The following RPSA2 variants were observed in gnomAD, a reference collection of about 807,000 sequenced individuals.
RPSA2 encodes the protein small ribosomal subunit protein uS2B.
At chr19:23,774,522 G>C in the RPSA2 span, among the ~76,000 whole-genome samples, 148,835 of 152,166 alleles carry the variant, frequency 0.98, 72,881 homozygotes, top group Middle Eastern at 1. Flanking sequence ...CTGGACCTCA[G>C]AAGCCATTGT....
the RPSA2 span, chr19:23,833,043 A>G: frequency 7.3e-7 from 1 of 1,367,808 alleles, no homozygotes; most frequent in African/African-American, 1.5e-5. Context: ...TTCATACTGG[A>G]AAGAAACCCT....
At chr19:23,769,002 C>T in the RPSA2 span, among the ~76,000 whole-genome samples, 1 of 152,152 alleles carries the variant, frequency 6.6e-6, no homozygotes. Context: ...TTCAGCCGGG[C>T]CTTGCCCACA....
At chr19:23,799,193 C>T in the RPSA2 span, 2 of 152,112 alleles carry the variant, frequency 1.3e-5, no homozygotes, top group African/African-American at 2.4e-5. Context: ...ATGCTTTTAA[C>T]TTCTTTTTTT....
the RPSA2 span, among the ~76,000 whole-genome samples, chr19:23,841,779 C>A: frequency 6.6e-6 from 1 of 152,168 alleles, no homozygotes; most frequent in African/African-American, 2.4e-5. Context: ...CACTCAGTAG[C>A]GGCTGAGAGC....
At chr19:23,758,711 T>G in the RPSA2 span, 1,024 of 1,614,092 alleles carry the variant, frequency 6.3e-4, 13 homozygotes, top group South Asian at 0.01. Flanking sequence ...CACAGCCCCT[T>G]CCCCTCTCTC....
At chr19:23,804,000 A>G in the RPSA2 span, among the ~76,000 whole-genome samples, 1 of 152,298 alleles carries the variant, frequency 6.6e-6, no homozygotes, top group East Asian at 1.9e-4. Context: ...ACACAGTATA[A>G]ACTCACAGGG....
At chr19:23,831,881 C>G in the RPSA2 span, 5 of 293,270 alleles carry the variant, frequency 1.7e-5, no homozygotes, top group Admixed American at 4.0e-5. Flanking sequence ...GGAAGAAAAC[C>G]TTTCAAATGT....
At chr19:23,767,604 C>G in the RPSA2 span, among the ~76,000 whole-genome samples, 2 of 151,958 alleles carry the variant, frequency 1.3e-5, no homozygotes, top group Non-Finnish European at 1.5e-5. Flanking sequence ...AAGGTGGTCA[C>G]TGAGTAATTT....
chr19:23,796,034 G>T, the RPSA2 span, among the ~76,000 whole-genome samples: 1 of 152,180 alleles, frequency 6.6e-6, no homozygotes, highest in Non-Finnish European at 1.5e-5. Context: ...CAAAGTGCTG[G>T]AATTACAGGC....
At chr19:23,803,525 T>C in the RPSA2 span, among the ~76,000 whole-genome samples, 2 of 152,118 alleles carry the variant, frequency 1.3e-5, no homozygotes, top group Non-Finnish European at 2.9e-5. Context: ...CAAAAATTCA[T>C]CTAAATTATA....
the RPSA2 span, among the ~76,000 whole-genome samples, chr19:23,858,347 C>A: frequency 6.6e-6 from 1 of 152,064 alleles, no homozygotes; most frequent in Non-Finnish European, 1.5e-5. Flanking sequence ...CCTGACTTCA[C>A]CACTATGCAA....
At chr19:23,864,421 CAT>C in the RPSA2 span, among the ~76,000 whole-genome samples, 1 of 152,096 alleles carries the variant, frequency 6.6e-6, no homozygotes, top group South Asian at 2.1e-4. Flanking sequence ...AGAAGACAGC[CAT>C]ATGTAACACA....
At chr19:23,852,969 G>A in the RPSA2 span, among the ~76,000 whole-genome samples, 27 of 152,152 alleles carry the variant, frequency 1.8e-4, no homozygotes, top group African/African-American at 6.5e-4. Context: ...CTCAAAAATT[G>A]ATAACAGTCA....
At chr19:23,807,303 TGG>T in the RPSA2 span, among the ~76,000 whole-genome samples, 1 of 152,200 alleles carries the variant, frequency 6.6e-6, no homozygotes, top group African/African-American at 2.4e-5. Flanking sequence ...AATGATATTT[TGG>T]GGCCAAAACA....
At chr19:23,810,342 C>T in the RPSA2 span, among the ~76,000 whole-genome samples, 1 of 131,000 alleles carries the variant, frequency 7.6e-6, no homozygotes, top group South Asian at 2.4e-4. Context: ...TGCAGTGAAC[C>T]GAGATCGTGC....
the RPSA2 span, among the ~76,000 whole-genome samples, chr19:23,760,984 T>TTA: frequency 2.9e-5 from 4 of 138,684 alleles, no homozygotes; most frequent in Non-Finnish European, 4.6e-5. Context: ...ATTATTTTGA[T>TTA]TATATATATA....
chr19:23,779,309 T>A, the RPSA2 span, among the ~76,000 whole-genome samples: 1 of 152,102 alleles, frequency 6.6e-6, no homozygotes, highest in Non-Finnish European at 1.5e-5. Flanking sequence ...CATGACACAT[T>A]TTTTGACTGA....
chr19:23,776,055 G>T, the RPSA2 span, among the ~76,000 whole-genome samples: 1 of 152,140 alleles, frequency 6.6e-6, no homozygotes, highest in South Asian at 2.1e-4. Context: ...CTGCCTTGGT[G>T]CTACTTGAAA....
chr19:23,775,995 A>G, the RPSA2 span, among the ~76,000 whole-genome samples: 1 of 152,170 alleles, frequency 6.6e-6, no homozygotes, highest in East Asian at 1.9e-4. Context: ...GCCTACAAAT[A>G]GGATTGTGCC....
Sources: gnomAD v4.1 joint callset for allele counts (sites outside exome capture counted in the v4.1 genomes callset) on GRCh38, gnomAD v4.1.1 for gene constraint, MANE v1.5 for transcripts, NCBI Gene and HGNC (gene_info 2026-07-23, HGNC 2026-07-21) for gene names.